The following OSBPL8 variants were observed in gnomAD, a reference collection of about 807,000 sequenced individuals.
OSBPL8 encodes oxysterol binding protein like 8.
Under a neutral mutation model 125.5 loss-of-function variants are expected in OSBPL8, and 59 were observed. The ratio of observed to expected loss-of-function variants is 0.47; its 90% CI spans 0.38 to 0.58. The LOEUF is 0.58. OSBPL8 is among the 20% of genes least tolerant of loss of function. OSBPL8 has a pLI of 0.00. For missense variants in OSBPL8, 758 were observed against 1,047.8 expected, an observed-to-expected ratio of 0.72 and a Z score of 3.82; for synonymous variants, 330 against 338.9, an observed-to-expected ratio of 0.97 and a Z score of 0.29.
chr12:76,472,382 C>A (rs981799952), intron 2 of OSBPL8, among the ~76,000 whole-genome samples: 1 of 152,188 alleles, frequency 6.6e-6, no homozygotes, highest in African/African-American at 2.4e-5. Flanking sequence ...GGGACCAGCC[C>A]CACAGGGTCG....
intron 3 of OSBPL8, 93 bp from the exon 4 acceptor site, chr12:76,451,081 G>T: frequency 1.5e-6 from 2 of 1,307,470 alleles, no homozygotes; most frequent in Admixed American, 2.6e-5. Flanking sequence ...AAACTGAAAT[G>T]GCCTTGGTGG....
intron 1 of OSBPL8, among the ~76,000 whole-genome samples, chr12:76,544,928 T>C (rs1950744297): frequency 6.6e-6 from 1 of 152,098 alleles, no homozygotes; most frequent in African/African-American, 2.4e-5. Context: ...TTACATAATA[T>C]ACTACCTGAT....
At chr12:76,502,384 G>A (rs1422138770) in intron 1 of OSBPL8, among the ~76,000 whole-genome samples, 1 of 152,172 alleles carries the variant, frequency 6.6e-6, no homozygotes, top group African/African-American at 2.4e-5. Flanking sequence ...TGATTCCACT[G>A]AACTCGAAGT....
intron 1 of OSBPL8, among the ~76,000 whole-genome samples, chr12:76,535,506 T>C (rs1243595411): frequency 6.6e-6 from 1 of 152,118 alleles, no homozygotes; most frequent in Non-Finnish European, 1.5e-5. Context: ...ACATTGCTGG[T>C]GAGATGCAAA....
chr12:76,414,592 G>A (rs1417109811), intron 4 of OSBPL8, among the ~76,000 whole-genome samples: 1 of 150,914 alleles, frequency 6.6e-6, no homozygotes, highest in Non-Finnish European at 1.5e-5. Context: ...GCTGAGACAA[G>A]AGACACATGT....
chr12:76,542,107 G>A (rs1251583716), intron 1 of OSBPL8, among the ~76,000 whole-genome samples: 1 of 152,166 alleles, frequency 6.6e-6, no homozygotes, highest in Admixed American at 6.5e-5. Context: ...GAAGGCAGAG[G>A]TTGTGGTGAG....
Position 76,369,651 on chromosome 12 carries a change from A to C in OSBPL8, c.2226T>G (p.His742Gln). 1 of 1,613,320 alleles carries C rather than the reference A, an allele frequency of 6.2e-7. No individual in the cohort carries two copies. The highest frequency in any genetic ancestry group is 1.3e-5 in the African/African-American group (1 of 75,014). Residue 742 changes from histidine (H) to glutamine (Q), a missense_variant, in exon 20 of 24, where the codon CAT (histidine) becomes CAG (glutamine). By Grantham distance (24) the His-to-Gln change is conservative (BLOSUM62 0). This residue lies in a region of OSBPL8 where 572 missense variants were observed against 762.0 expected (regional missense o/e 0.75). Coordinates refer to ENST00000261183, the MANE Select transcript of OSBPL8 (RefSeq NM_020841.5). ...FELDPLTGEWHYKFADTRPWD... is the reference protein window; with the variant it reads ...FELDPLTGEWQYKFADTRPWD... ...AAGTTACTTACTCTGCAAACTTGTA[A>C]TGCCATTCTCCTGTGAGTGGATCAA...
chr12:76,511,271 T>C (rs575415216), intron 1 of OSBPL8, among the ~76,000 whole-genome samples: 91 of 152,338 alleles, frequency 6.0e-4, no homozygotes, highest in Non-Finnish European at 1.1e-3. Context: ...GTAACGGGAC[T>C]GCTGGGTCAA....
chr12:76,473,271 T>C (rs1048333478), intron 2 of OSBPL8, among the ~76,000 whole-genome samples: 1 of 152,238 alleles, frequency 6.6e-6, no homozygotes, highest in Non-Finnish European at 1.5e-5. Flanking sequence ...ATTATGTCTA[T>C]GATCTAGATC....
intron 5 of OSBPL8, among the ~76,000 whole-genome samples, chr12:76,408,430 C>T (rs1040887449): frequency 7.0e-6 from 1 of 143,548 alleles, no homozygotes; most frequent in African/African-American, 2.6e-5. Context: ...CCACTGTACT[C>T]CAGTCTGGGT....
Position 76,555,601 on chromosome 12 carries a change from T to G in OSBPL8, c.-68+3796A>C, listed in dbSNP as rs145094745. On this transcript the variant is annotated intron_variant, in intron 1 of 23. Coordinates refer to ENST00000261183, the MANE Select transcript of OSBPL8 (RefSeq NM_020841.5). Reference sequence around the variant, plus strand: ...ACACATTGAGGTAGGCACATTCATATTGAGGTATGCACTTTCACATGCATT... The same window carrying G: ...ACACATTGAGGTAGGCACATTCATAGTGAGGTATGCACTTTCACATGCATT... Among the ~76,000 whole-genome samples, 523 of 152,328 alleles carry G rather than the reference T, an allele frequency of 3.4e-3. 3 individuals are homozygous for G. The highest frequency in any genetic ancestry group is 0.012 in the African/African-American group (497 of 41,564).
chr12:76,483,775 G>C (rs1877825288), intron 2 of OSBPL8, among the ~76,000 whole-genome samples: 1 of 132,928 alleles, frequency 7.5e-6, no homozygotes, highest in Non-Finnish European at 1.5e-5. Context: ...CCCGACTTCA[G>C]ACAATTCTCA....
intron 4 of OSBPL8, among the ~76,000 whole-genome samples, chr12:76,429,475 C>T (rs1026606659): frequency 2.8e-5 from 4 of 144,218 alleles, no homozygotes; most frequent in South Asian, 2.2e-4. Context: ...AAATGTTATA[C>T]GAAATGCTTA....
intron 3 of OSBPL8, among the ~76,000 whole-genome samples, chr12:76,456,208 T>A (rs574959188): frequency 4.4e-4 from 67 of 152,348 alleles, no homozygotes; most frequent in Non-Finnish European, 6.5e-4. Context: ...ATAATCTGTA[T>A]GTAAATCCTA....
In OSBPL8 at chr12:76,527,100, C is replaced by T. The variant is rs1350606491; in HGVS notation, c.-68+32297G>A. ...AAAATTCTAATATTCTACAATCTAACAGCCAGCAGTTTTACCTGCTGTCTA... is the reference window on the plus strand; with the variant it reads ...AAAATTCTAATATTCTACAATCTAATAGCCAGCAGTTTTACCTGCTGTCTA... On this transcript the variant is annotated intron_variant, in intron 1 of 23. Transcript: ENST00000261183. Among the ~76,000 whole-genome samples the T allele has an allele frequency of 2.0e-5, 3 of 152,084 alleles. No homozygotes were observed. The East Asian group carries it at 5.8e-4, about 29-fold the overall frequency.
chr12:76,549,561 C>T (rs1950878776), intron 1 of OSBPL8, among the ~76,000 whole-genome samples: 1 of 152,138 alleles, frequency 6.6e-6, no homozygotes, highest in South Asian at 2.1e-4. Context: ...CAGGCACCTG[C>T]CACCATGCCC....
intron 4 of OSBPL8, among the ~76,000 whole-genome samples, chr12:76,435,164 G>GTGTA (rs1371384547): frequency 6.7e-6 from 1 of 149,992 alleles, no homozygotes; most frequent in African/African-American, 2.5e-5. Context: ...ACGTGTGTGT[G>GTGTA]TGTGTGTGTG....
chr12:76,403,579 T>C (rs1016705858), intron 5 of OSBPL8, among the ~76,000 whole-genome samples: 3 of 152,160 alleles, frequency 2.0e-5, no homozygotes, highest in African/African-American at 7.2e-5. Flanking sequence ...AGCACAAAAG[T>C]TAAAAGCTCT....
At chr12:76,396,103 T>A (rs945323775) in intron 8 of OSBPL8, among the ~76,000 whole-genome samples, 12 of 151,654 alleles carry the variant, frequency 7.9e-5, no homozygotes, top group African/African-American at 2.9e-4. Context: ...TTAAAAAGGT[T>A]TTGAAAGTCG....
Sources: allele counts gnomAD v4.1 joint callset (sites outside exome capture counted in the v4.1 genomes callset), GRCh38; gene constraint gnomAD v4.1.1; regional missense constraint gnomAD v4.1.1; transcripts MANE v1.5; gene names NCBI Gene and HGNC (gene_info 2026-07-23, HGNC 2026-07-21).